The following IFT20 variants were observed in gnomAD, a reference collection of about 807,000 sequenced individuals.
The protein encoded by IFT20 is intraflagellar transport protein 20 homolog.
Under a neutral mutation model 16.9 loss-of-function variants are expected in IFT20, and 4 were observed. The ratio of observed to expected loss-of-function variants is 0.24; its 90% CI spans 0.12 to 0.54. The LOEUF is 0.54. Ranked by LOEUF, IFT20 falls within the 20% of genes least tolerant of loss-of-function variation. IFT20 has a pLI of 0.95. For missense variants in IFT20, 154 were observed against 149.7 expected, an observed-to-expected ratio of 1.03 and a Z score of -0.15; for synonymous variants, 48 against 49.9, an observed-to-expected ratio of 0.96 and a Z score of 0.16.
In IFT20 at chr17:28,329,248, G is replaced by C. The variant is rs781796688; in HGVS notation, c.242C>G (p.Ser81Cys). 1 of 1,614,028 alleles carries C rather than the reference G, an allele frequency of 6.2e-7. No individual in the cohort carries two copies. Among genetic ancestry groups the C allele is most frequent in the Admixed American group, 1.7e-5 (1 of 60,008 alleles). The change falls in exon 4 of 5, where the codon TCT (serine) becomes TGT (cysteine). Residue 81 changes from serine (S) to cysteine (C), a missense_variant. Ser to Cys is a moderately radical substitution (Grantham distance 112, BLOSUM62 -1). Coordinates refer to ENST00000395418, the MANE Select transcript of IFT20 (RefSeq NM_001267776.2). ...TTGAGCTTCTCTCTGCTTTGCTATA[G>C]ATTTGAGCAAGTTCCGAGCACCGAT... is the stretch of plus-strand genomic sequence containing the variant. ...KAIGARNLLKSIAKQREAQQQ... is the reference protein window; with the variant it reads ...KAIGARNLLKCIAKQREAQQQ...
At position 28,331,952 on chromosome 17, in the gene IFT20, G is replaced by A. The variant is rs202151572; in HGVS notation, c.34C>T (p.His12Tyr). The change falls in exon 2 of 5, where the codon CAC becomes TAC. Residue 12 changes from histidine (H) to tyrosine (Y), a missense_variant. Coordinates refer to ENST00000395418, the MANE Select transcript of IFT20 (RefSeq NM_001267776.2). ...CTCAGCTTGTTCAGTTCATCAAAGT[G>A]TAGCCCTGCTTCACCCAGGATGTCC... ...AKDILGEAGLHFDELNKLRVL... is the reference protein window; with the variant it reads ...AKDILGEAGLYFDELNKLRVL... 39 of 1,614,112 alleles carry A rather than the reference G, an allele frequency of 2.4e-5. No homozygotes were observed. The Middle Eastern group carries it at 1.2e-3, about 48-fold the overall frequency.
rs782536935 is a variant in IFT20, at chr17:28,328,619, T to C, written c.*33A>G. 2.0e-6 allele frequency: 3 copies of C among 1,463,890 alleles called. No homozygotes were observed. The highest frequency in any genetic ancestry group is 2.4e-5 in the South Asian group (2 of 82,230). The allele number at this position is 1,463,890 out of a possible 1,614,324, so 90.7% of individuals were successfully genotyped here. A position where few individuals can be genotyped will look rare whatever the true frequency, so the allele number is the denominator to read the frequency against. On this transcript the variant is annotated 3_prime_UTR_variant, in exon 5 of 5. Coordinates refer to ENST00000395418, the MANE Select transcript of IFT20 (RefSeq NM_001267776.2). ...TGGTTTTGAGAGGCTTTTTTTTGTT[T>C]TGCCTTCCTACTATAAAAGCGAAAT...
At chr17:28,329,434 A>G (rs1906581833) in intron 3 of IFT20, 158 bp from the exon 4 acceptor site, 1 of 601,758 alleles carries the variant, frequency 1.7e-6, no homozygotes, top group African/African-American at 1.9e-5. Flanking sequence ...GGATTAACCT[A>G]CTGATCACAA....
At chr17:28,330,303 C>T in intron 3 of IFT20, 140 bp downstream of exon 3, 1 of 682,244 alleles carries the variant, frequency 1.5e-6, no homozygotes. Context: ...TTAAGTGGAC[C>T]AGAAGTTATT....
At chr17:28,334,536 CCAA>C (rs1365932591) in intron 1 of IFT20, among the ~76,000 whole-genome samples, 20 of 152,324 alleles carry the variant, frequency 1.3e-4, no homozygotes, top group Middle Eastern at 6.8e-3. Flanking sequence ...TCTCAGCAGA[CCAA>C]CAAAATCAGA....
At chr17:28,332,086 A>G in intron 1 of IFT20, 99 bp from the exon 2 acceptor site, 1 of 1,604,026 alleles carries the variant, frequency 6.2e-7, no homozygotes, top group East Asian at 2.2e-5. Flanking sequence ...CACCAATGCC[A>G]AAAACCCAGG....
chr17:28,333,072 AACAC>A (rs56753724), intron 1 of IFT20, among the ~76,000 whole-genome samples: 2,285 of 144,570 alleles, frequency 0.016, 19 homozygotes, highest in Non-Finnish European at 0.021. Context: ...TCTGGCTCAA[AACAC>A]ACACACACAC....
intron 2 of IFT20, chr17:28,331,618 A>G: frequency 4.0e-6 from 2 of 495,218 alleles, no homozygotes; most frequent in South Asian, 6.1e-5. Context: ...GAAATGAAAG[A>G]TGGCATATCT....
intron 1 of IFT20, among the ~76,000 whole-genome samples, chr17:28,334,214 T>A (rs1555577002): frequency 6.6e-6 from 1 of 152,034 alleles, no homozygotes; most frequent in Non-Finnish European, 1.5e-5. Flanking sequence ...GAGGACACAG[T>A]TCATGGGGGG....
rs1048886471 is a variant in IFT20 at position 28,335,365 on chromosome 17, C to T, written c.-28G>A. 6.6e-6 allele frequency: 1 copy of T among 152,448 alleles called. No homozygotes were observed. Among genetic ancestry groups the T allele is most frequent in the East Asian group, 1.9e-4 (1 of 5,180 alleles). 9.4% of individuals were successfully genotyped at this position (152,448 alleles called of 1,614,324 possible). On this transcript the variant is annotated 5_prime_UTR_variant, in exon 1 of 5. Transcript: ENST00000395418. Reference sequence around the variant, plus strand: ...CTGCCGGCCCCGCGGCGGCAGCGCGCTGCAGCCCAGGCTGATGTAGACAGG... The same window carrying T: ...CTGCCGGCCCCGCGGCGGCAGCGCGTTGCAGCCCAGGCTGATGTAGACAGG...
intron 2 of IFT20, 26 bp downstream of exon 2, chr17:28,331,833 T>A: frequency 6.2e-7 from 1 of 1,613,892 alleles, no homozygotes; most frequent in Non-Finnish European, 8.5e-7. Flanking sequence ...CAAAGCTGAG[T>A]GGCACTGTAT....
In IFT20 at chr17:28,328,639, C is replaced by T. The variant is rs782200326; in HGVS notation, c.*13G>A. 1.6e-5 allele frequency: 26 copies of T among 1,577,238 alleles called. No homozygotes were observed. The highest frequency in any genetic ancestry group is 2.3e-5 in the South Asian group (2 of 86,550). ...TTGTTTTGCCTTCCTACTATAAAAG[C>T]GAAATTTTCAGTTCATTTCTGAAAA... On this transcript the variant is annotated 3_prime_UTR_variant, in exon 5 of 5. Coordinates refer to ENST00000395418, the MANE Select transcript of IFT20 (RefSeq NM_001267776.2).
chr17:28,333,072 A>ACAC (rs1906894238), intron 1 of IFT20, among the ~76,000 whole-genome samples: 5 of 144,478 alleles, frequency 3.5e-5, no homozygotes, highest in African/African-American at 1.3e-4. Context: ...TCTGGCTCAA[A>ACAC]ACACACACAC....
At chr17:28,335,063 C>T (rs1197500560) in intron 1 of IFT20, among the ~76,000 whole-genome samples, 4 of 152,184 alleles carry the variant, frequency 2.6e-5, no homozygotes, top group Admixed American at 2.6e-4. Flanking sequence ...ATACTTTCTG[C>T]GCCCCGGCTC....
At chr17:28,333,072 A>AACACACACACACACACACACACACACAC (rs56753724) in intron 1 of IFT20, among the ~76,000 whole-genome samples, 66 of 144,572 alleles carry the variant, frequency 4.6e-4, no homozygotes, top group South Asian at 1.8e-3. Flanking sequence ...TCTGGCTCAA[A>AACACACACACACACACACACACACACAC]ACACACACAC....
chr17:28,335,067 C>T (rs905679421), intron 1 of IFT20, among the ~76,000 whole-genome samples: 3 of 152,182 alleles, frequency 2.0e-5, no homozygotes, highest in African/African-American at 4.8e-5. Context: ...TTTCTGCGCC[C>T]CGGCTCTCCC....
rs1168760838 is a variant in IFT20 at position 28,329,378 on chromosome 17, A to G, written c.214-102T>C. On this transcript the variant is annotated intron_variant, in intron 3 of 4. Coordinates refer to ENST00000395418, the MANE Select transcript of IFT20 (RefSeq NM_001267776.2). ...ATCTGGGAGCTGTGTCAGTCTTCAG[A>G]GAGGAAAAGAAAGTGGAGCCCCAAA... The G allele has an allele frequency of 9.1e-6, 8 of 881,852 alleles. No homozygotes were observed. The African/African-American group carries it at 1.2e-4, about 13-fold the overall frequency. The allele number at this position is 881,852 out of a possible 1,614,324, so 54.6% of individuals were successfully genotyped here. A position where few individuals can be genotyped will look rare whatever the true frequency, so the allele number is the denominator to read the frequency against.
chr17:28,329,244 T>C lies in IFT20; in HGVS notation c.246A>G (p.Ile82Met). The change falls in exon 4 of 5, where the codon ATA becomes ATG. Residue 82 changes from isoleucine to methionine, a missense_variant. Transcript: ENST00000395418. ...AIGARNLLKSIAKQREAQQQQ... is the reference protein window; with the variant it reads ...AIGARNLLKSMAKQREAQQQQ... ...GCTGTTGAGCTTCTCTCTGCTTTGCTATAGATTTGAGCAAGTTCCGAGCAC... is the reference window on the plus strand; with the variant it reads ...GCTGTTGAGCTTCTCTCTGCTTTGCCATAGATTTGAGCAAGTTCCGAGCAC... The C allele has an allele frequency of 1.2e-6, 2 of 1,614,166 alleles. No homozygotes were observed. Among genetic ancestry groups the C allele is most frequent in the Non-Finnish European group, 1.7e-6 (2 of 1,180,024 alleles).
intron 4 of IFT20, 132 bp downstream of exon 4, chr17:28,329,039 CAA>C: frequency 1.5e-6 from 1 of 684,536 alleles, no homozygotes; most frequent in South Asian, 1.9e-5. Flanking sequence ...TTAAAATCTT[CAA>C]ATCAGGATGA....
Sources: gnomAD v4.1 joint callset for allele counts (sites outside exome capture counted in the v4.1 genomes callset) on GRCh38, gnomAD v4.1.1 for gene constraint, MANE v1.5 for transcripts, NCBI Gene and HGNC (gene_info 2026-07-23, HGNC 2026-07-21) for gene names.